KIZ: variants seen among roughly 807,000 people sequenced by gnomAD.
KIZ encodes kizuna centrosomal protein.
A neutral mutation model predicts 79.6 loss-of-function variants in KIZ; 68 were observed. The ratio of observed to expected loss-of-function variants is 0.85; its 90% CI spans 0.70 to 1.05. The LOEUF (loss-of-function observed/expected upper bound fraction) is 1.05, where lower values mean the gene tolerates loss of function less well. KIZ is among the 50% of genes least tolerant of loss of function. KIZ has a pLI of 0.00. For missense variants in KIZ, 797 were observed against 800.4 expected, an observed-to-expected ratio of 1.00 and a Z score of 0.05; for synonymous variants, 280 against 281.8, an observed-to-expected ratio of 0.99 and a Z score of 0.06.
chr20:21,230,282 C>A (rs974122272), intron 10 of KIZ, among the ~76,000 whole-genome samples: 1 of 152,158 alleles, frequency 6.6e-6, no homozygotes, highest in African/African-American at 2.4e-5. Flanking sequence ...CGAGACCAGC[C>A]TGGGCAATAT....
In KIZ at chr20:21,162,404, A is replaced by T. The variant is rs780351048; in HGVS notation, c.939A>T (p.Glu313Asp). The T allele has an allele frequency of 4.3e-6, 7 of 1,613,658 alleles. 1 individual carries two copies. In the South Asian group the frequency reaches 7.7e-5, roughly 18 times the overall value. The stretch of plus-strand genomic sequence containing the variant: ...CACGGGAACATATTGAAGTTGAGGA[A>T]AAAAGAGCCAGCCCGCCAGTCTCTC... ...ILTREHIEVE[E>D]KRASPPVSPI... The change falls in exon 5 of 13, where the codon GAA (glutamate) becomes GAT (aspartate). Residue 313 changes from glutamate to aspartate, a missense_variant. By Grantham distance (45) the Glu-to-Asp change is conservative. Coordinates refer to ENST00000619189, the MANE Select transcript of KIZ (RefSeq NM_018474.6).
intron 6 of KIZ, among the ~76,000 whole-genome samples, chr20:21,187,245 C>T (rs2034913036): frequency 6.6e-6 from 1 of 152,156 alleles, no homozygotes; most frequent in Non-Finnish European, 1.5e-5. Flanking sequence ...TTTCAGCCAT[C>T]CTATATTTGG....
chr20:21,242,850 C>G (rs2037264816), intron 11 of KIZ, among the ~76,000 whole-genome samples: 1 of 152,166 alleles, frequency 6.6e-6, no homozygotes, highest in African/African-American at 2.4e-5. Context: ...TGCCACAGTG[C>G]TCTCCATCCA....
At chr20:21,194,389 T>G (rs373170665) in intron 6 of KIZ, 4 of 152,310 alleles carry the variant, frequency 2.6e-5, no homozygotes, top group African/African-American at 7.2e-5. Flanking sequence ...GGAATTGAGG[T>G]CTTGAGTTCT....
intron 7 of KIZ, among the ~76,000 whole-genome samples, chr20:21,206,913 A>G: frequency 6.6e-6 from 1 of 152,198 alleles, no homozygotes; most frequent in East Asian, 1.9e-4. Flanking sequence ...TGAGGGGAGG[A>G]ACCGGAAGCC....
Position 21,214,693 on chromosome 20 carries a change from G to A in KIZ, c.1605G>A (p.Arg535=), listed in dbSNP as rs1401432321. Residue 535 remains arginine, a synonymous_variant, in exon 8 of 13, where the codon AGG becomes AGA. Coordinates refer to ENST00000619189, the MANE Select transcript of KIZ (RefSeq NM_018474.6). The part of the protein sequence containing the change: ...PAVWLNSVPT[R]EQEVSSGCGD... ...TATGGCTCAACAGTGTTCCTACAAG[G>A]GAACAAGGTAACTATTGTTAAAGTG... is the stretch of plus-strand genomic sequence containing the variant. The A allele has an allele frequency of 1.2e-6, 2 of 1,609,654 alleles. No individual in the cohort carries two copies. The highest frequency in any genetic ancestry group is 1.7e-6 in the Non-Finnish European group (2 of 1,176,496).
At position 21,235,756 on chromosome 20, in the gene KIZ, C is replaced by A. The variant is rs1457330677; in HGVS notation, c.1880+2926C>A. 7.2e-5 allele frequency among the ~76,000 whole-genome samples: 11 copies of A among 152,248 alleles called. No individual in the cohort carries two copies. In the South Asian group the frequency reaches 1.2e-3, roughly 17 times the overall value. ...ACATAATTGCCTGGGGGAAAGGTAG[C>A]AGAAGTCACCCCGCCACTGTACCCT... On this transcript the variant is annotated intron_variant, in intron 11 of 12. Transcript: ENST00000619189.
chr20:21,162,615 A>C lies in KIZ; in HGVS notation c.1042+108A>C. ...TCTTTCATAAAATAGTATCTTTGCC[A>C]ACAAATTCCATTCTAATGAACTCTT... On this transcript the variant is annotated intron_variant, in intron 5 of 12. Transcript: ENST00000619189. 5 of 922,688 alleles carry C rather than the reference A, an allele frequency of 5.4e-6. No homozygotes were observed. In the East Asian group the frequency reaches 1.3e-4, roughly 24 times the overall value. The allele number at this position is 922,688 out of a possible 1,614,324, so 57.2% of individuals were successfully genotyped here.
chr20:21,243,996 C>A (rs186156965), intron 11 of KIZ, among the ~76,000 whole-genome samples: 1 of 152,122 alleles, frequency 6.6e-6, no homozygotes, highest in African/African-American at 2.4e-5. Context: ...CTCAGCAGGG[C>A]GGGGTGGGCC....
chr20:21,214,663 T>C lies in KIZ; in HGVS notation c.1575T>C (p.Pro525=), dbSNP rs374233503. 7 of 1,612,474 alleles carry C rather than the reference T, an allele frequency of 4.3e-6. 1 individual carries two copies. Among genetic ancestry groups the C allele is most frequent in the Admixed American group, 1.7e-5 (1 of 59,984 alleles). Residue 525 remains proline (P), a synonymous_variant, in exon 8 of 13, where the codon CCT becomes CCC. Transcript: ENST00000619189. The part of the protein sequence containing the change: ...NDNSGIKEAK[P]AVWLNSVPTR... ...ATAGTGGAATAAAGGAAGCCAAACC[T>C]GCTGTATGGCTCAACAGTGTTCCTA...
intron 11 of KIZ, among the ~76,000 whole-genome samples, chr20:21,235,527 T>C (rs1318278956): frequency 6.6e-6 from 1 of 152,126 alleles, no homozygotes; most frequent in African/African-American, 2.4e-5. Context: ...TGTTCAGGGG[T>C]GCATGCCAGA....
intron 9 of KIZ, among the ~76,000 whole-genome samples, chr20:21,221,524 A>G (rs2036500557): frequency 1.3e-5 from 2 of 152,206 alleles, no homozygotes; most frequent in Middle Eastern, 3.2e-3. Flanking sequence ...TTAAGCCTCT[A>G]AGAATGTCCA....
intron 11 of KIZ, among the ~76,000 whole-genome samples, chr20:21,242,782 G>T (rs1201448952): frequency 6.6e-6 from 1 of 152,140 alleles, no homozygotes; most frequent in African/African-American, 2.4e-5. Context: ...TCCTGTGAAG[G>T]CCTCTGCCTT....
rs2033756520 is a variant in KIZ, at chr20:21,163,066, G to A, written c.1259G>A (p.Arg420Lys). Residue 420 changes from arginine (R) to lysine (K), a missense_variant, in exon 6 of 13, where the codon AGA becomes AAA. Transcript: ENST00000619189. ...AAATTAATCCATGCTGAGCAAGAAA[G>A]AGTTGCCCTATCCACTGAAAAAAAT... is the stretch of plus-strand genomic sequence containing the variant. Reference protein sequence around the residue: ...ALKLIHAEQERVALSTEKNCI... With the variant: ...ALKLIHAEQEKVALSTEKNCI... 3 of 1,613,824 alleles carry A rather than the reference G, an allele frequency of 1.9e-6. No individual in the cohort carries two copies. The highest frequency in any genetic ancestry group is 2.5e-6 in the Non-Finnish European group (3 of 1,179,720).
intron 6 of KIZ, among the ~76,000 whole-genome samples, chr20:21,188,196 C>A (rs1400917599): frequency 6.6e-6 from 1 of 152,176 alleles, no homozygotes; most frequent in Non-Finnish European, 1.5e-5. Flanking sequence ...TCTAACCTAC[C>A]CTGTTTGATT....
chr20:21,200,682 G>A (rs973820226), intron 6 of KIZ, among the ~76,000 whole-genome samples: 2 of 152,044 alleles, frequency 1.3e-5, no homozygotes, highest in African/African-American at 4.8e-5. Flanking sequence ...CTAATGCTCC[G>A]CCCTCCTGCC....
chr20:21,179,226 G>A (rs1240972312), intron 6 of KIZ, among the ~76,000 whole-genome samples: 1 of 112,684 alleles, frequency 8.9e-6, no homozygotes, highest in Admixed American at 9.4e-5. Context: ...TTTTTTTTTT[G>A]ATGGGAGGTT....
chr20:21,142,005 A>C (rs1484453137), intron 3 of KIZ, among the ~76,000 whole-genome samples: 1 of 146,950 alleles, frequency 6.8e-6, no homozygotes, highest in East Asian at 2.0e-4. Flanking sequence ...CTTGCCCCCA[A>C]ATCTGTCTTC....
chr20:21,171,233 TGATGA>T (rs2034192374), intron 6 of KIZ, among the ~76,000 whole-genome samples: 1 of 152,248 alleles, frequency 6.6e-6, no homozygotes, highest in African/African-American at 2.4e-5. Context: ...GTATCTTCTT[TGATGA>T]GATGTCTGTT....
Sources: allele counts gnomAD v4.1 joint callset (sites outside exome capture counted in the v4.1 genomes callset), GRCh38; gene constraint gnomAD v4.1.1; transcripts MANE v1.5; gene names NCBI Gene and HGNC (gene_info 2026-07-23, HGNC 2026-07-21).